The following CDH12 variants were observed in gnomAD, a reference collection of about 807,000 sequenced individuals.
The protein encoded by CDH12 is cadherin 12.
In CDH12, 41 loss-of-function variants were observed where a neutral mutation model predicts 74.1. The observed-to-expected ratio is 0.55, with a 90% CI of 0.43 to 0.72. The LOEUF (loss-of-function observed/expected upper bound fraction) is 0.72. Ranked by LOEUF, CDH12 falls within the 30% of genes least tolerant of loss-of-function variation. The pLI is 0.00. For missense variants in CDH12, 945 were observed against 977.2 expected (o/e 0.97, Z 0.44); for synonymous variants, 399 against 355.0 (o/e 1.12, Z -1.39).
intron 4 of CDH12, among the ~76,000 whole-genome samples, chr5:22,079,970 T>C (rs1417165497): frequency 1.3e-5 from 2 of 151,432 alleles, no homozygotes; most frequent in Non-Finnish European, 2.9e-5. Context: ...TAGGTGATAA[T>C]TGCACTGAGG....
chr5:22,852,632 T>C (rs1737606139), intron 1 of CDH12, among the ~76,000 whole-genome samples: 1 of 152,090 alleles, frequency 6.6e-6, no homozygotes, highest in Non-Finnish European at 1.5e-5. Context: ...AGTGGAGAAA[T>C]GAGTGAGGGG....
chr5:22,067,100 T>C (rs1171792495), intron 5 of CDH12, among the ~76,000 whole-genome samples: 1 of 152,210 alleles, frequency 6.6e-6, no homozygotes, highest in Non-Finnish European at 1.5e-5. Flanking sequence ...TTTAGTCCTA[T>C]GCCATAATTC....
At chr5:22,419,737 C>T (rs994601010) in intron 2 of CDH12, among the ~76,000 whole-genome samples, 1 of 152,144 alleles carries the variant, frequency 6.6e-6, no homozygotes, top group African/African-American at 2.4e-5. Flanking sequence ...CTGTTTTCCA[C>T]AATGGTTGCA....
intron 6 of CDH12, among the ~76,000 whole-genome samples, chr5:21,965,902 T>C (rs1158239564): frequency 2.0e-5 from 3 of 152,252 alleles, no homozygotes; most frequent in Middle Eastern, 3.4e-3. Flanking sequence ...ACTGAAAATA[T>C]AAAGTTACAT....
chr5:22,828,305 G>A (rs535377528), intron 1 of CDH12, among the ~76,000 whole-genome samples: 9 of 152,160 alleles, frequency 5.9e-5, no homozygotes, highest in African/African-American at 1.9e-4. Context: ...GAAAGATATT[G>A]GGGAAATATA....
At chr5:22,491,126 A>G (rs1336382938) in intron 2 of CDH12, among the ~76,000 whole-genome samples, 1 of 152,044 alleles carries the variant, frequency 6.6e-6, no homozygotes, top group African/African-American at 2.4e-5. Context: ...GTAGTTTTTA[A>G]TGCTTCCTCC....
chr5:21,766,476 G>T (rs952846493), intron 11 of CDH12, among the ~76,000 whole-genome samples: 1 of 151,860 alleles, frequency 6.6e-6, no homozygotes, highest in African/African-American at 2.4e-5. Flanking sequence ...TTCACAAGTT[G>T]TTTCATCTTT....
intron 1 of CDH12, among the ~76,000 whole-genome samples, chr5:22,670,377 C>A (rs1740842867): frequency 6.6e-6 from 1 of 152,042 alleles, no homozygotes; most frequent in East Asian, 1.9e-4. Flanking sequence ...ACAAAAGTAT[C>A]ATATTTTTAA....
intron 1 of CDH12, among the ~76,000 whole-genome samples, chr5:22,739,936 C>T (rs1744937244): frequency 6.6e-6 from 1 of 151,976 alleles, no homozygotes; most frequent in Admixed American, 6.6e-5. Context: ...CTATACCTTG[C>T]TTGATGTAAG....
intron 1 of CDH12, among the ~76,000 whole-genome samples, chr5:22,574,627 A>G (rs760579939): frequency 9.9e-5 from 15 of 152,086 alleles, no homozygotes; most frequent in Admixed American, 6.6e-5. Flanking sequence ...GATTTCTATT[A>G]TATGTGTTCC....
intron 1 of CDH12, among the ~76,000 whole-genome samples, chr5:22,527,721 GC>G (rs1737352799): frequency 6.6e-6 from 1 of 151,982 alleles, no homozygotes; most frequent in South Asian, 2.1e-4. Flanking sequence ...ATTTTAAATG[GC>G]AGATCTACTC....
intron 6 of CDH12, among the ~76,000 whole-genome samples, chr5:21,927,632 ATAGTGTT>A (rs1425514615): frequency 6.6e-6 from 1 of 151,960 alleles, no homozygotes; most frequent in African/African-American, 2.4e-5. Flanking sequence ...TAAATTCATA[ATAGTGTT>A]TAGTGTGTGG....
intron 3 of CDH12, among the ~76,000 whole-genome samples, chr5:22,225,917 C>G (rs1752178249): frequency 6.6e-6 from 1 of 151,796 alleles, no homozygotes; most frequent in Non-Finnish European, 1.5e-5. Context: ...ATAACAACAA[C>G]AACAACAGCA....
intron 5 of CDH12, among the ~76,000 whole-genome samples, chr5:22,033,297 G>A (rs182215947): frequency 6.6e-6 from 1 of 152,236 alleles, no homozygotes. Context: ...TATTGTCCAA[G>A]ATTTTGTTTC....
At chr5:22,524,396 T>G (rs1158298707) in intron 1 of CDH12, among the ~76,000 whole-genome samples, 1 of 152,218 alleles carries the variant, frequency 6.6e-6, no homozygotes, top group Non-Finnish European at 1.5e-5. Flanking sequence ...ATATAATCCC[T>G]TTCCCTTTGG....
chr5:22,811,070 T>C (rs1749121311), intron 1 of CDH12, among the ~76,000 whole-genome samples: 1 of 151,730 alleles, frequency 6.6e-6, no homozygotes, highest in Non-Finnish European at 1.5e-5. Context: ...TACGTATATG[T>C]ATACATACAT....
chr5:21,919,798 C>T (rs1754269892), intron 6 of CDH12, among the ~76,000 whole-genome samples: 1 of 152,092 alleles, frequency 6.6e-6, no homozygotes, highest in South Asian at 2.1e-4. Context: ...GATAAGCCTG[C>T]CGCATGAGGA....
chr5:22,211,952 C>A (rs908207764), intron 4 of CDH12, among the ~76,000 whole-genome samples: 1 of 151,904 alleles, frequency 6.6e-6, no homozygotes, highest in African/African-American at 2.4e-5. Context: ...TTTCATTTTT[C>A]TTAATACTTG....
intron 1 of CDH12, among the ~76,000 whole-genome samples, chr5:22,733,679 C>A (rs150168219): frequency 2.4e-4 from 36 of 151,910 alleles, no homozygotes; most frequent in Middle Eastern, 3.4e-3. Flanking sequence ...CATGTTGTAG[C>A]CTGGGCAAAA....
Sources: gnomAD v4.1 joint callset for allele counts (sites outside exome capture counted in the v4.1 genomes callset) on GRCh38, gnomAD v4.1.1 for gene constraint, MANE v1.5 for transcripts, NCBI Gene and HGNC (gene_info 2026-07-23, HGNC 2026-07-21) for gene names.